Variants in GABRE observed in about 807,000 individuals in gnomAD.
The protein encoded by GABRE is gamma-aminobutyric acid receptor subunit epsilon.
GABRE carries 20 observed loss-of-function variants against 31.0 expected under a neutral mutation model. The observed-to-expected ratio is 0.64, with a 90% CI of 0.45 to 0.94. GABRE has a LOEUF of 0.94. GABRE is among the 40% of genes least tolerant of loss of function. GABRE has a pLI of 0.00. For synonymous variants in GABRE, 155 were observed against 150.6 expected (o/e 1.03, Z -0.21); for missense variants, 420 against 410.7 (o/e 1.02, Z -0.20).
In GABRE at chrX:151,954,763, C is replaced by A. The variant is rs1263926710; in HGVS notation, c.1459G>T (p.Val487Phe). 1 of 1,210,861 alleles carries A rather than the reference C, an allele frequency of 8.3e-7. No homozygotes were observed. Among genetic ancestry groups the A allele is most frequent in the South Asian group, 1.8e-5 (1 of 56,658 alleles). Reference sequence around the variant, plus strand: ...AAGAAGAAGAAAGTCACTGGGAAAACAACTCTCGAGTAGTTATCCAGGCGG... The same window carrying A: ...AAGAAGAAGAAAGTCACTGGGAAAAAAACTCTCGAGTAGTTATCCAGGCGG... ...VYRLDNYSRV[V>F]FPVTFFFFNV... Residue 487 changes from valine (V) to phenylalanine (F), a missense_variant, in exon 9 of 9, where the codon GTT becomes TTT. Val to Phe is a conservative substitution (Grantham distance 50). Transcript: ENST00000370328.
At chrX:151,955,660 G>A (rs776156895) in intron 7 of GABRE, 48 bp downstream of exon 7, 2 of 1,206,479 alleles carry the variant, frequency 1.7e-6, no homozygotes, top group Non-Finnish European at 2.2e-6. Context: ...CCCTGGCCCA[G>A]CCAACTCCCA....
chrX:151,967,159 TC>T (rs763445443), intron 3 of GABRE, among the ~76,000 whole-genome samples: 1 of 111,715 alleles, frequency 9.0e-6, no homozygotes, highest in Non-Finnish European at 1.9e-5. Context: ...AGTGTGTGGT[TC>T]TCTCCACTCC....
intron 1 of GABRE, chrX:151,972,774 G>A (rs1934751143): frequency 2.3e-6 from 1 of 443,832 alleles, no homozygotes; most frequent in Non-Finnish European, 2.8e-6. Context: ...GAGGTCCTTG[G>A]GGTTAAAGAG....
chrX:151,970,804 G>C (rs933972041), intron 1 of GABRE, among the ~76,000 whole-genome samples: 1 of 112,574 alleles, frequency 8.9e-6, no homozygotes, highest in Non-Finnish European at 1.9e-5. Context: ...CCAGGGCTGA[G>C]AGGAATGCTT....
At chrX:151,960,421 T>C (rs944681457) in intron 5 of GABRE, among the ~76,000 whole-genome samples, 2 of 111,361 alleles carry the variant, frequency 1.8e-5, no homozygotes, top group African/African-American at 6.5e-5. Context: ...AAGAATGAGG[T>C]TGAAGGGGTT....
chrX:151,966,218 G>T (rs1166856694), intron 3 of GABRE, among the ~76,000 whole-genome samples: 1 of 112,347 alleles, frequency 8.9e-6, no homozygotes, highest in Non-Finnish European at 1.9e-5. Context: ...ATCCCTTTTA[G>T]CTCAGCCGAA....
intron 3 of GABRE, among the ~76,000 whole-genome samples, chrX:151,965,724 C>A (rs1042009158): frequency 1.1e-4 from 12 of 113,123 alleles, no homozygotes; most frequent in Non-Finnish European, 2.2e-4. Context: ...GCGGGCACAG[C>A]CCTCGGGGAA....
At position 151,969,717 on chromosome X, in the gene GABRE, A is replaced by G. The variant is rs1391314181; in HGVS notation, c.294T>C (p.Thr98=). 8.3e-7 allele frequency: 1 copy of G among 1,208,105 alleles called. No homozygotes were observed. The highest frequency in any genetic ancestry group is 1.8e-5 in the African/African-American group (1 of 56,939). ...CAAGGCTGTTGACGGAGATCTCAAC[A>G]GTGACCACAGTGGGCTTCTCTATAA... ...PGIGEKPTVV[T]VEISVNSLGP... is the part of the protein sequence containing the mutation. Residue 98 remains threonine (T), a synonymous_variant, in exon 3 of 9, where the codon ACT becomes ACC. Transcript: ENST00000370328.
At position 151,953,668 on chromosome X, in the gene GABRE, T is replaced by C. The variant is rs757426930; in HGVS notation, c.*1033A>G. The stretch of plus-strand genomic sequence containing the variant: ...AGGGAATTTGATTGATTGATTGTGA[T>C]GGTTAGAGTGCCCCGGGTATAACAG... On this transcript the variant is annotated 3_prime_UTR_variant, in exon 9 of 9. Coordinates refer to ENST00000370328, the MANE Select transcript of GABRE (RefSeq NM_004961.4). The C allele has an allele frequency of 9.8e-5, 11 of 112,401 alleles. No homozygotes were observed. The highest frequency in any genetic ancestry group is 2.1e-4 in the Non-Finnish European group (11 of 53,296). The allele number at this position is 112,401 out of a possible 1,213,427, so 9.3% of individuals were successfully genotyped here.
In GABRE at chrX:151,955,102, A is replaced by G. The variant is rs1177108087; in HGVS notation, c.1138-18T>C. 2.2e-5 allele frequency: 26 copies of G among 1,197,456 alleles called. No homozygotes were observed. The African/African-American group carries it at 3.7e-4, about 17-fold the overall frequency. Reference sequence around the variant, plus strand: ...ATACGAGGCTAAAATGGACAAGGAAAGAAGTGGGGAAAAGTCAAGGGAAGA... The same window carrying G: ...ATACGAGGCTAAAATGGACAAGGAAGGAAGTGGGGAAAAGTCAAGGGAAGA... On this transcript the variant is annotated intron_variant, in intron 8 of 8. Transcript: ENST00000370328.
intron 4 of GABRE, among the ~76,000 whole-genome samples, 167 bp downstream of exon 4, chrX:151,962,256 G>A (rs1259600236): frequency 4.5e-5 from 5 of 111,556 alleles, no homozygotes; most frequent in African/African-American, 1.6e-4. Flanking sequence ...TCTATTTTGA[G>A]GCCTCTATAT....
chrX:151,970,548 G>C, intron 1 of GABRE, 146 bp from the exon 2 acceptor site: 1 of 637,212 alleles, frequency 1.6e-6, no homozygotes, highest in Non-Finnish European at 2.3e-6. Context: ...TTATAAGACA[G>C]TGACAGATTA....
At position 151,954,611 on chromosome X, in the gene GABRE, G is replaced by T; in HGVS notation, c.*90C>A. On this transcript the variant is annotated 3_prime_UTR_variant, in exon 9 of 9. Coordinates refer to ENST00000370328, the MANE Select transcript of GABRE (RefSeq NM_004961.4). ...AGGAAAAACTCTAGTCGCTCCTGCT[G>T]CTGCTGCTGCTTTCCCCCAACTCCC... is the stretch of plus-strand genomic sequence containing the variant. 1 of 675,018 alleles carries T rather than the reference G, an allele frequency of 1.5e-6. No individual in the cohort carries two copies. The highest frequency in any genetic ancestry group is 2.2e-6 in the Non-Finnish European group (1 of 453,797). 55.6% of individuals were successfully genotyped at this position (675,018 alleles called of 1,213,427 possible). A position where few individuals can be genotyped will look rare whatever the true frequency, so the allele number is the denominator to read the frequency against.
intron 6 of GABRE, chrX:151,957,780 A>ATT (rs1934223683): frequency 9.1e-6 from 2 of 219,287 alleles, no homozygotes; most frequent in Non-Finnish European, 1.7e-5. Flanking sequence ...AATATATGCT[A>ATT]AAGATGGTTT....
At chrX:151,960,640 C>A (rs1480951807) in intron 5 of GABRE, among the ~76,000 whole-genome samples, 1 of 111,779 alleles carries the variant, frequency 8.9e-6, no homozygotes, top group African/African-American at 3.3e-5. Context: ...CCTAGGTGAC[C>A]CTTCAGCTAG....
At chrX:151,969,935 A>C (rs1350725411) in intron 2 of GABRE, 199 bp from the exon 3 acceptor site, 1 of 1,070,077 alleles carries the variant, frequency 9.3e-7, no homozygotes, top group East Asian at 3.3e-5. Flanking sequence ...CACATCTTGA[A>C]GATCAACAAT....
At chrX:151,973,865 T>A (rs1374229869) in intron 1 of GABRE, among the ~76,000 whole-genome samples, 2 of 110,943 alleles carry the variant, frequency 1.8e-5, no homozygotes, top group Non-Finnish European at 3.8e-5. Context: ...GGCCTCTGGC[T>A]CCAGTCTGCC....
chrX:151,967,925 G>A (rs1934572024), intron 3 of GABRE, among the ~76,000 whole-genome samples: 1 of 112,388 alleles, frequency 8.9e-6, no homozygotes, highest in Non-Finnish European at 1.9e-5. Context: ...GTAATCCCTT[G>A]ACAGGGATTA....
In GABRE at chrX:151,954,870, T is replaced by C. The variant is rs1449859446; in HGVS notation, c.1352A>G (p.Lys451Arg). The change falls in exon 9 of 9, where the codon AAG (lysine) becomes AGG (arginine). Residue 451 changes from lysine to arginine, a missense_variant. Lys to Arg is a conservative substitution (Grantham distance 26). Coordinates refer to ENST00000370328, the MANE Select transcript of GABRE (RefSeq NM_004961.4). ...CSKLACCEWC[K>R]RFKKYFCMVP... Reference sequence around the variant, plus strand: ...CATGCAGAAGTACTTCTTAAAACGCTTGCACCACTCACAGCAGGCCAGCTT... The same window carrying C: ...CATGCAGAAGTACTTCTTAAAACGCCTGCACCACTCACAGCAGGCCAGCTT... 2 of 1,211,596 alleles carry C rather than the reference T, an allele frequency of 1.7e-6. No individual in the cohort carries two copies. The highest frequency in any genetic ancestry group is 2.2e-6 in the Non-Finnish European group (2 of 895,491).
Sources: allele counts gnomAD v4.1 joint callset (sites outside exome capture counted in the v4.1 genomes callset), GRCh38; gene constraint gnomAD v4.1.1; transcripts MANE v1.5; gene names NCBI Gene and HGNC (gene_info 2026-07-23, HGNC 2026-07-21).